Variants in SHROOM4 observed in about 807,000 individuals in gnomAD.
SHROOM4 encodes the protein protein Shroom4.
In SHROOM4, 17 loss-of-function variants were observed where a neutral mutation model predicts 80.3. The ratio of observed to expected loss-of-function variants is 0.21; its 90% CI spans 0.14 to 0.32. The LOEUF is 0.32. Among genes scored for constraint, SHROOM4 ranks in the 10% least tolerant of loss-of-function variants. The probability of loss-of-function intolerance (pLI) is 1.00; values close to 1 mark genes in which losing one functional copy is unlikely to be tolerated. For missense variants in SHROOM4, 993 were observed against 1,140.3 expected (o/e 0.87, Z 1.86); for synonymous variants, 400 against 437.5 (o/e 0.91, Z 1.07).
intron 2 of SHROOM4, among the ~76,000 whole-genome samples, chrX:50,673,907 C>T (rs1379445202): frequency 2.8e-5 from 3 of 107,440 alleles, no homozygotes; most frequent in Non-Finnish European, 5.8e-5. Flanking sequence ...TCAGCAAGTA[C>T]GAAGCATACA....
intron 2 of SHROOM4, among the ~76,000 whole-genome samples, chrX:50,661,343 G>A (rs1241035105): frequency 2.7e-5 from 3 of 110,644 alleles, no homozygotes; most frequent in Admixed American, 1.9e-4. Context: ...GATTACAGGC[G>A]TCCAACACCA....
intron 2 of SHROOM4, among the ~76,000 whole-genome samples, chrX:50,682,962 C>T (rs186614722): frequency 3.1e-4 from 34 of 111,235 alleles, no homozygotes; most frequent in Admixed American, 6.7e-4. Context: ...AAATATAAAG[C>T]AGGCAGAAAA....
At chrX:50,667,172 A>G (rs1431931529) in intron 2 of SHROOM4, among the ~76,000 whole-genome samples, 1 of 111,143 alleles carries the variant, frequency 9.0e-6, no homozygotes, top group African/African-American at 3.3e-5. Flanking sequence ...GGATCTTGAC[A>G]TTTGCGCTAA....
At chrX:50,646,850 C>T (rs930286115) in intron 2 of SHROOM4, among the ~76,000 whole-genome samples, 4 of 110,264 alleles carry the variant, frequency 3.6e-5, no homozygotes, top group African/African-American at 1.3e-4. Flanking sequence ...AGGGAATGTT[C>T]GAGTGGAAAT....
chrX:50,610,352 T>TCTCACACACACACACACA (rs782591424), intron 5 of SHROOM4, among the ~76,000 whole-genome samples: 93 of 91,708 alleles, frequency 1.0e-3, no homozygotes, highest in South Asian at 1.7e-3. Flanking sequence ...TCTCTCTCTC[T>TCTCACACACACACACACA]CACACACACA....
At chrX:50,783,578 AT>A (rs781820506) in intron 1 of SHROOM4, among the ~76,000 whole-genome samples, 8,292 of 102,404 alleles carry the variant, frequency 0.081, 863 homozygotes, top group African/African-American at 0.27. Context: ...GTCGATTCTA[AT>A]TTTTTTTTTT....
At chrX:50,722,095 G>T (rs2147518272) in intron 1 of SHROOM4, among the ~76,000 whole-genome samples, 1 of 111,830 alleles carries the variant, frequency 8.9e-6, no homozygotes, top group Non-Finnish European at 1.9e-5. Flanking sequence ...AGGAGTTTGG[G>T]GCTTCTTCTC....
chrX:50,708,455 G>C (rs1933730651), intron 1 of SHROOM4, among the ~76,000 whole-genome samples: 1 of 112,176 alleles, frequency 8.9e-6, no homozygotes, highest in Non-Finnish European at 1.9e-5. Flanking sequence ...GAAGCAGCAG[G>C]AGGGAAGGGC....
At chrX:50,576,162 C>T in the SHROOM4 span, among the ~76,000 whole-genome samples, 11 of 111,694 alleles carry the variant, frequency 9.8e-5, no homozygotes, top group Non-Finnish European at 1.7e-4. Context: ...ACTCTCTGGC[C>T]CATAAGAATG....
chrX:50,742,363 C>T (rs1324902393), intron 1 of SHROOM4, among the ~76,000 whole-genome samples: 1 of 111,228 alleles, frequency 9.0e-6, no homozygotes, highest in Non-Finnish European at 1.9e-5. Flanking sequence ...AATACCGATA[C>T]ACTTATATCA....
intron 7 of SHROOM4, among the ~76,000 whole-genome samples, chrX:50,601,889 C>G (rs996066803): frequency 9.0e-6 from 1 of 111,204 alleles, no homozygotes; most frequent in Admixed American, 9.5e-5. Context: ...GGCAGAAACT[C>G]TGATGTGCCC....
chrX:50,642,624 G>A (rs949693905), intron 2 of SHROOM4, among the ~76,000 whole-genome samples: 1 of 110,677 alleles, frequency 9.0e-6, no homozygotes, highest in African/African-American at 3.3e-5. Context: ...TACCGTGCCC[G>A]GCTAATTTTT....
chrX:50,705,270 A>G (rs576685066), intron 1 of SHROOM4, among the ~76,000 whole-genome samples: 3 of 108,071 alleles, frequency 2.8e-5, no homozygotes, highest in African/African-American at 1.1e-4. Context: ...ACTGAAAAAA[A>G]AGAAAAAAAA....
intron 1 of SHROOM4, among the ~76,000 whole-genome samples, chrX:50,758,981 T>C (rs188916801): frequency 2.7e-5 from 3 of 111,945 alleles, no homozygotes; most frequent in Non-Finnish European, 5.6e-5. Context: ...TTTTAATTAA[T>C]TTTTCTGTAA....
downstream of SHROOM4, among the ~76,000 whole-genome samples, chrX:50,585,871 A>C (rs868986174): frequency 2.7e-5 from 3 of 110,905 alleles, no homozygotes; most frequent in Middle Eastern, 0.014. Flanking sequence ...TTTTTTTATA[A>C]AAGATTTTAG....
At chrX:50,627,581 C>CA in intron 5 of SHROOM4, 33 bp downstream of exon 5, 1 of 1,180,351 alleles carries the variant, frequency 8.5e-7, no homozygotes, top group Non-Finnish European at 1.2e-6. Flanking sequence ...CCAGAGGCAC[C>CA]AACCCACCCC....
intron 1 of SHROOM4, among the ~76,000 whole-genome samples, chrX:50,765,896 C>T (rs1480471916): frequency 8.9e-6 from 1 of 111,819 alleles, no homozygotes; most frequent in Non-Finnish European, 1.9e-5. Flanking sequence ...TCTTTCCAGA[C>T]TCAATCTCCA....
At chrX:50,721,067 A>G (rs1934098336) in intron 1 of SHROOM4, among the ~76,000 whole-genome samples, 1 of 111,543 alleles carries the variant, frequency 9.0e-6, no homozygotes, top group Non-Finnish European at 1.9e-5. Context: ...TTTTGAAAAG[A>G]TCACTGTGGC....
intron 8 of SHROOM4, among the ~76,000 whole-genome samples, chrX:50,598,023 G>C (rs1305138936): frequency 9.0e-6 from 1 of 110,659 alleles, no homozygotes; most frequent in African/African-American, 3.3e-5. Context: ...ATTTTTAGTA[G>C]AGATGGGGAT....
Sources: gnomAD v4.1 joint callset for allele counts (sites outside exome capture counted in the v4.1 genomes callset) on GRCh38, gnomAD v4.1.1 for gene constraint, MANE v1.5 for transcripts, NCBI Gene and HGNC (gene_info 2026-07-23, HGNC 2026-07-21) for gene names.